The following ZFHX4 variants were observed in gnomAD, a reference collection of about 807,000 sequenced individuals.
ZFHX4 encodes the protein zinc finger homeobox 4.
Under a neutral mutation model 267.6 loss-of-function variants are expected in ZFHX4, and 56 were observed. That is an observed-to-expected ratio of 0.21 (90% CI 0.17 to 0.26). ZFHX4 has a LOEUF of 0.26. Among genes scored for constraint, ZFHX4 ranks in the 10% least tolerant of loss-of-function variants. The pLI is 1.00. For synonymous variants in ZFHX4, 1,778 were observed against 1,665.6 expected, an observed-to-expected ratio of 1.07 and a Z score of -1.64; for missense variants, 4,332 against 4,420.0, an observed-to-expected ratio of 0.98 and a Z score of 0.56.
At chr8:76,862,646 G>A (rs1016015390) in intron 10 of ZFHX4, among the ~76,000 whole-genome samples, 2 of 152,180 alleles carry the variant, frequency 1.3e-5, no homozygotes, top group African/African-American at 4.8e-5. Flanking sequence ...TACTTTTAGT[G>A]AACGTGGTAA....
At chr8:76,831,042 G>T (rs953853306) in intron 4 of ZFHX4, among the ~76,000 whole-genome samples, 1 of 152,104 alleles carries the variant, frequency 6.6e-6, no homozygotes, top group Non-Finnish European at 1.5e-5. Context: ...TGTGACCTGA[G>T]GCAAATTACT....
intron 3 of ZFHX4, among the ~76,000 whole-genome samples, chr8:76,729,257 T>C (rs909378926): frequency 7.2e-5 from 11 of 152,086 alleles, no homozygotes; most frequent in African/African-American, 2.7e-4. Flanking sequence ...AGGAGAAATA[T>C]CGTGTGTGCC....
intron 3 of ZFHX4, among the ~76,000 whole-genome samples, chr8:76,761,579 A>AT (rs1409494100): frequency 6.6e-6 from 1 of 152,184 alleles, no homozygotes; most frequent in Non-Finnish European, 1.5e-5. Flanking sequence ...GTTATATATT[A>AT]TTTTACTTCA....
chr8:76,845,397 A>G (rs1162085709), intron 6 of ZFHX4, among the ~76,000 whole-genome samples: 2 of 152,052 alleles, frequency 1.3e-5, no homozygotes, highest in Admixed American at 6.6e-5. Context: ...TGCCTTGGCT[A>G]AGGGGACCAC....
chr8:76,796,615 C>T (rs988049414), intron 4 of ZFHX4, among the ~76,000 whole-genome samples: 1 of 152,136 alleles, frequency 6.6e-6, no homozygotes, highest in African/African-American at 2.4e-5. Context: ...TACCGTAATA[C>T]TTCAGTGGCT....
At chr8:76,822,480 G>A (rs1398118682) in intron 4 of ZFHX4, among the ~76,000 whole-genome samples, 1 of 105,136 alleles carries the variant, frequency 9.5e-6, no homozygotes, top group African/African-American at 3.8e-5. Flanking sequence ...TTTTTGAGAT[G>A]GTCTCATTAT....
chr8:76,705,630 G>A lies in ZFHX4; in HGVS notation c.1542G>A (p.Val514=). 6.2e-7 allele frequency: 1 copy of A among 1,613,910 alleles called. No individual in the cohort carries two copies. ...NQSISPLSSS[V]LKFIEKGTSS... ...GCATTTCTCCTTTATCATCCAGTGT[G>A]CTAAAATTTATTGAAAAGGGTACCT... Residue 514 remains valine, a synonymous_variant, in exon 2 of 11, where the codon GTG becomes GTA. Coordinates refer to ENST00000651372, the MANE Select transcript of ZFHX4 (RefSeq NM_024721.5).
intron 3 of ZFHX4, among the ~76,000 whole-genome samples, chr8:76,721,442 G>A (rs1412791585): frequency 6.6e-6 from 1 of 152,140 alleles, no homozygotes; most frequent in Non-Finnish European, 1.5e-5. Flanking sequence ...CAAGGCAAAT[G>A]AGACAGACAC....
At chr8:76,702,189 GATTAAA>G (rs1404139621) in intron 1 of ZFHX4, among the ~76,000 whole-genome samples, 1 of 152,094 alleles carries the variant, frequency 6.6e-6, no homozygotes, top group Admixed American at 6.6e-5. Context: ...GCTCATCAAT[GATTAAA>G]ATTAAAATTA....
At chr8:76,808,052 A>T (rs917102709) in intron 4 of ZFHX4, among the ~76,000 whole-genome samples, 1 of 152,104 alleles carries the variant, frequency 6.6e-6, no homozygotes, top group African/African-American at 2.4e-5. Flanking sequence ...CCTTAAACAC[A>T]TATATACAGT....
At chr8:76,770,598 G>T (rs1465242989) in intron 3 of ZFHX4, among the ~76,000 whole-genome samples, 1 of 152,074 alleles carries the variant, frequency 6.6e-6, no homozygotes, top group Non-Finnish European at 1.5e-5. Context: ...CTCCAGTCTG[G>T]GAGAGAATGC....
At chr8:76,718,824 G>C (rs915177779) in intron 3 of ZFHX4, among the ~76,000 whole-genome samples, 1 of 151,690 alleles carries the variant, frequency 6.6e-6, no homozygotes, top group African/African-American at 2.4e-5. Context: ...TTAGTTGTAA[G>C]TTGCTGTTCC....
rs2131614361 is a variant in ZFHX4 at position 76,707,720 on chromosome 8, T to A, written c.2765T>A (p.Val922Glu). 2 of 1,613,868 alleles carry A rather than the reference T, an allele frequency of 1.2e-6. No homozygotes were observed. The highest frequency in any genetic ancestry group is 2.7e-5 in the African/African-American group (2 of 75,010). ...TCTGACAGCCTGGAGGCCCTAAGTGTGCATGTGAGCAGTGAGCGCTCTCTC... is the reference window on the plus strand; with the variant it reads ...TCTGACAGCCTGGAGGCCCTAAGTGAGCATGTGAGCAGTGAGCGCTCTCTC... ...FTSDSLEALS[V>E]HVSSERSLPE... Residue 922 changes from valine (V) to glutamate (E), a missense_variant, in exon 3 of 11, where the codon GTG becomes GAG. This residue lies in a region of ZFHX4 where 1,195 missense variants were observed against 1,173.6 expected (regional missense o/e 1.02). Coordinates refer to ENST00000651372, the MANE Select transcript of ZFHX4 (RefSeq NM_024721.5).
chr8:76,789,061 G>T (rs1447691387), intron 4 of ZFHX4, among the ~76,000 whole-genome samples: 1 of 152,176 alleles, frequency 6.6e-6, no homozygotes, highest in Non-Finnish European at 1.5e-5. Context: ...AAATCAGCTG[G>T]CTTGATATTA....
At chr8:76,775,363 C>G (rs1005139809) in intron 3 of ZFHX4, among the ~76,000 whole-genome samples, 1 of 152,134 alleles carries the variant, frequency 6.6e-6, no homozygotes, top group Admixed American at 6.5e-5. Flanking sequence ...AGAAAATGTA[C>G]GCTGGGTAAG....
rs1207526382 is a variant in ZFHX4 at position 76,863,700 on chromosome 8, C to G, written c.9986C>G (p.Ser3329Cys). 1.3e-6 allele frequency: 2 copies of G among 1,580,650 alleles called. No homozygotes were observed. Among genetic ancestry groups the G allele is most frequent in the East Asian group, 4.6e-5 (2 of 43,084 alleles). ...CAGTATCAGCAGAACCTGCAGGAGT[C>G]CCTGCAAAAGCAGCAAAAGCAACAG... ...YQQYQQNLQESLQKQQKQQQE... is the reference protein window; with the variant it reads ...YQQYQQNLQECLQKQQKQQQE... Residue 3329 changes from serine to cysteine, a missense_variant, in exon 11 of 11, where the codon TCC becomes TGC. This residue lies in a region of ZFHX4 where 1,648 missense variants were observed against 1,625.0 expected (regional missense o/e 1.01). Transcript: ENST00000651372.
At chr8:76,860,510 T>G (rs1356327070) in intron 10 of ZFHX4, among the ~76,000 whole-genome samples, 2 of 152,106 alleles carry the variant, frequency 1.3e-5, no homozygotes, top group African/African-American at 2.4e-5. Context: ...TCCTTAAAAT[T>G]TATCTTGTCT....
intron 3 of ZFHX4, among the ~76,000 whole-genome samples, chr8:76,730,541 A>G (rs1018188196): frequency 6.6e-6 from 1 of 152,048 alleles, no homozygotes; most frequent in Non-Finnish European, 1.5e-5. Context: ...TCTACTAAAA[A>G]TACATAAATT....
intron 3 of ZFHX4, among the ~76,000 whole-genome samples, chr8:76,735,455 T>C (rs1274214992): frequency 6.6e-6 from 1 of 152,156 alleles, no homozygotes; most frequent in Admixed American, 6.6e-5. Flanking sequence ...AGCAATATTT[T>C]TTTGATTAGG....
Sources: allele counts gnomAD v4.1 joint callset (sites outside exome capture counted in the v4.1 genomes callset), GRCh38; gene constraint gnomAD v4.1.1; regional missense constraint gnomAD v4.1.1; transcripts MANE v1.5; gene names NCBI Gene and HGNC (gene_info 2026-07-23, HGNC 2026-07-21).